The following CRY1 variants were observed in gnomAD, a reference collection of about 807,000 sequenced individuals.
CRY1 encodes cryptochrome circadian regulator 1.
A neutral mutation model predicts 76.0 loss-of-function variants in CRY1; 45 were observed. The observed-to-expected ratio is 0.59, with a 90% CI of 0.47 to 0.76. CRY1 has a LOEUF of 0.76. Ranked by LOEUF, CRY1 falls within the 30% of genes least tolerant of loss-of-function variation. The pLI is 0.00. For missense variants in CRY1, 587 were observed against 716.4 expected, an observed-to-expected ratio of 0.82 and a Z score of 2.06; for synonymous variants, 248 against 244.0, an observed-to-expected ratio of 1.02 and a Z score of -0.15.
chr12:106,992,596 G>A lies in CRY1; in HGVS notation c.*191C>T, dbSNP rs946486119. The A allele has an allele frequency of 1.4e-5, 7 of 502,098 alleles. No individual in the cohort carries two copies. The Admixed American group carries it at 2.0e-4, about 14-fold the overall frequency. 31.1% of individuals were successfully genotyped at this position (502,098 alleles called of 1,614,324 possible). On this transcript the variant is annotated intron_variant, in intron 12 of 12. Coordinates refer to ENST00000008527, the MANE Select transcript of CRY1 (RefSeq NM_004075.5). ...TGGTTCAGATGAATATAAAACTGGT[G>A]CAACAATTTCTCCAGTACAGATGCA...
chr12:107,055,609 C>T (rs1178402106), intron 1 of CRY1, among the ~76,000 whole-genome samples: 3 of 151,978 alleles, frequency 2.0e-5, no homozygotes, highest in African/African-American at 7.3e-5. Flanking sequence ...AACAAACCTA[C>T]CATAGTGAAG....
chr12:107,031,124 C>T (rs931805598), intron 1 of CRY1, among the ~76,000 whole-genome samples: 2 of 152,092 alleles, frequency 1.3e-5, no homozygotes, highest in African/African-American at 4.8e-5. Context: ...GAAACAACAA[C>T]AACAACAGAA....
intron 2 of CRY1, among the ~76,000 whole-genome samples, chr12:107,017,333 C>G (rs1352950596): frequency 6.6e-6 from 1 of 152,244 alleles, no homozygotes; most frequent in African/African-American, 2.4e-5. Context: ...GCACTGTTTC[C>G]TCTGCCTTCC....
At chr12:107,078,496 T>C (rs1033397024) in intron 1 of CRY1, among the ~76,000 whole-genome samples, 10 of 152,174 alleles carry the variant, frequency 6.6e-5, no homozygotes, top group Non-Finnish European at 1.5e-4. Context: ...CCAGCTCCTA[T>C]TCATCTTAAA....
At chr12:107,076,908 T>G (rs763319229) in intron 1 of CRY1, among the ~76,000 whole-genome samples, 38 of 152,156 alleles carry the variant, frequency 2.5e-4, no homozygotes, top group Non-Finnish European at 4.4e-4. Flanking sequence ...GCCTTTGCTA[T>G]GCAACATGCC....
At position 107,001,908 on chromosome 12, in the gene CRY1, T is replaced by C. The variant is rs1488030034; in HGVS notation, c.451A>G (p.Lys151Glu). The C allele has an allele frequency of 2.5e-6, 4 of 1,599,258 alleles. No homozygotes were observed. Among genetic ancestry groups the C allele is most frequent in the Non-Finnish European group, 3.4e-6 (4 of 1,175,982 alleles). ...TTGCTGATGAGAGTCTGGAATCTTT[T>C]ATAAGTTAGAGGCGGTTGTCCACCA... The part of the protein sequence containing the change: ...LNGGQPPLTY[K>E]RFQTLISKME... Residue 151 changes from lysine (K) to glutamate (E), a missense_variant, in exon 4 of 13, where the codon AAA (lysine) becomes GAA (glutamate). Lys to Glu is a moderately conservative substitution (Grantham distance 56, BLOSUM62 1). Transcript: ENST00000008527.
At chr12:107,010,257 T>C (rs1952428387) in intron 2 of CRY1, among the ~76,000 whole-genome samples, 1 of 152,166 alleles carries the variant, frequency 6.6e-6, no homozygotes, top group Non-Finnish European at 1.5e-5. Flanking sequence ...GTAACTTGTA[T>C]TTTCTTTCTT....
intron 1 of CRY1, among the ~76,000 whole-genome samples, chr12:107,023,217 C>T (rs902440556): frequency 6.6e-6 from 1 of 152,166 alleles, no homozygotes; most frequent in Non-Finnish European, 1.5e-5. Context: ...TAGCAATTAT[C>T]TCTTACTTGT....
intron 1 of CRY1, among the ~76,000 whole-genome samples, chr12:107,054,653 A>G (rs1469702797): frequency 2.0e-5 from 3 of 151,096 alleles, no homozygotes; most frequent in Non-Finnish European, 4.4e-5. Context: ...AAAGTTTGAA[A>G]AAAAAAAAAA....
At chr12:107,034,076 T>G (rs1038078137) in intron 1 of CRY1, among the ~76,000 whole-genome samples, 2 of 151,646 alleles carry the variant, frequency 1.3e-5, no homozygotes, top group African/African-American at 4.8e-5. Context: ...TCGGCAGGAC[T>G]GGTATCACAA....
At chr12:107,031,537 T>C (rs1333097325) in intron 1 of CRY1, among the ~76,000 whole-genome samples, 1 of 152,148 alleles carries the variant, frequency 6.6e-6, no homozygotes, top group Non-Finnish European at 1.5e-5. Context: ...TTTACAGCAG[T>C]GAATACTGAC....
chr12:107,051,291 A>G (rs897649615), intron 1 of CRY1, among the ~76,000 whole-genome samples: 3 of 152,170 alleles, frequency 2.0e-5, no homozygotes, highest in Non-Finnish European at 4.4e-5. Context: ...TTTAGGTAAA[A>G]AGTTACATTT....
chr12:106,993,420 T>G (rs1452091845), intron 10 of CRY1, among the ~76,000 whole-genome samples: 1 of 151,460 alleles, frequency 6.6e-6, no homozygotes, highest in African/African-American at 2.4e-5. Flanking sequence ...TCCTTGAGGA[T>G]AAGGGAATAA....
intron 3 of CRY1, among the ~76,000 whole-genome samples, chr12:107,004,569 T>C (rs1001408372): frequency 2.0e-5 from 3 of 152,164 alleles, no homozygotes; most frequent in Non-Finnish European, 1.5e-5. Context: ...GGACTGGTGC[T>C]GGAAGAAATA....
At chr12:107,009,651 G>A (rs983106276) in intron 2 of CRY1, among the ~76,000 whole-genome samples, 2 of 145,870 alleles carry the variant, frequency 1.4e-5, no homozygotes, top group Non-Finnish European at 3.0e-5. Context: ...GCTCATACCT[G>A]TAATTCCAGC....
chr12:107,066,220 A>G (rs919904365), intron 1 of CRY1, among the ~76,000 whole-genome samples: 1 of 152,236 alleles, frequency 6.6e-6, no homozygotes, highest in African/African-American at 2.4e-5. Flanking sequence ...CAGTAAAATC[A>G]TAATTCTAAA....
intron 1 of CRY1, among the ~76,000 whole-genome samples, chr12:107,082,229 T>G (rs548878013): frequency 1.3e-5 from 2 of 152,030 alleles, no homozygotes; most frequent in African/African-American, 4.8e-5. Flanking sequence ...CAAAGAGACT[T>G]AGACTCCCAC....
Position 107,092,881 on chromosome 12 carries a change from G to T in CRY1, c.81C>A (p.Gly27=). 6.2e-7 allele frequency: 1 copy of T among 1,609,812 alleles called. No individual in the cohort carries two copies. Among genetic ancestry groups the T allele is most frequent in the Non-Finnish European group, 8.5e-7 (1 of 1,179,158 alleles). The change falls in exon 1 of 13, where the codon GGC becomes GGA. Residue 27 remains glycine (G), a synonymous_variant. Coordinates refer to ENST00000008527, the MANE Select transcript of CRY1 (RefSeq NM_004075.5). ...DNPALKECIQ[G]ADTIRCVYIL... is the part of the protein sequence containing the mutation. ...TGTAGACGCAGCGGATGGTGTCGGC[G>T]CCCTGAATGCACTCCTTCAGGGCGG...
intron 1 of CRY1, among the ~76,000 whole-genome samples, chr12:107,046,292 C>CAA (rs35146852): frequency 2.7e-5 from 4 of 145,864 alleles, no homozygotes; most frequent in African/African-American, 7.6e-5. Context: ...GACTTTGCCT[C>CAA]AAAAAAAAAA....
Sources: allele counts gnomAD v4.1 joint callset (sites outside exome capture counted in the v4.1 genomes callset), GRCh38; gene constraint gnomAD v4.1.1; transcripts MANE v1.5; gene names NCBI Gene and HGNC (gene_info 2026-07-23, HGNC 2026-07-21).